Variants in LRP1B observed in about 807,000 individuals in gnomAD.
LRP1B encodes the protein LDL receptor related protein 1B, also known as low-density lipoprotein receptor-related protein 1B.
In LRP1B, 217 loss-of-function variants were observed where a neutral mutation model predicts 556.6. That is an observed-to-expected ratio of 0.39 (90% confidence interval 0.35 to 0.44). The LOEUF is 0.44. Ranked by LOEUF, LRP1B falls within the 20% of genes least tolerant of loss-of-function variation. The pLI is 1.00. For missense variants in LRP1B, 5,053 were observed against 5,620.8 expected (o/e 0.90, Z 3.23); for synonymous variants, 2,047 against 1,865.8 (o/e 1.10, Z -2.50).
chr2:140,395,588 C>A (rs1343805768), intron 66 of LRP1B, among the ~76,000 whole-genome samples: 2 of 152,194 alleles, frequency 1.3e-5, no homozygotes, highest in South Asian at 4.1e-4. Flanking sequence ...GAGAGCCAAC[C>A]ACTTCTGTTT....
chr2:141,559,764 C>G (rs896705615), intron 2 of LRP1B, among the ~76,000 whole-genome samples: 1 of 151,572 alleles, frequency 6.6e-6, no homozygotes, highest in Non-Finnish European at 1.5e-5. Context: ...TTGGCCTAAA[C>G]TGCATTCTAG....
At chr2:140,631,468 T>C (rs889816625) in intron 41 of LRP1B, among the ~76,000 whole-genome samples, 2 of 152,160 alleles carry the variant, frequency 1.3e-5, no homozygotes, top group Admixed American at 6.5e-5. Context: ...ATGGAAACTA[T>C]ACGAGTTAAA....
chr2:141,902,739 T>C (rs904924970), intron 1 of LRP1B, among the ~76,000 whole-genome samples: 5 of 151,962 alleles, frequency 3.3e-5, no homozygotes, highest in African/African-American at 4.8e-5. Context: ...GAGTTCTCCA[T>C]GTTAACTTCC....
intron 1 of LRP1B, among the ~76,000 whole-genome samples, chr2:141,883,968 C>T (rs1285492156): frequency 2.0e-5 from 3 of 152,068 alleles, no homozygotes; most frequent in Admixed American, 6.5e-5. Flanking sequence ...GAAAACTGAC[C>T]ACTTGCAATT....
intron 7 of LRP1B, among the ~76,000 whole-genome samples, chr2:141,113,803 T>C (rs911798495): frequency 6.6e-6 from 1 of 152,198 alleles, no homozygotes; most frequent in African/African-American, 2.4e-5. Context: ...ATAATTATAT[T>C]GTCATTTCTC....
intron 2 of LRP1B, among the ~76,000 whole-genome samples, chr2:141,492,836 T>C (rs1469198960): frequency 6.6e-6 from 1 of 152,196 alleles, no homozygotes; most frequent in East Asian, 1.9e-4. Context: ...ATATGCATTT[T>C]ATGTTTCAGA....
chr2:141,987,742 T>C (rs1166533911), intron 1 of LRP1B, among the ~76,000 whole-genome samples: 1 of 151,922 alleles, frequency 6.6e-6, no homozygotes. Flanking sequence ...ATACTTTACA[T>C]TTTTTATTGT....
chr2:140,938,891 G>A (rs1366799), intron 20 of LRP1B, among the ~76,000 whole-genome samples: 88,733 of 151,798 alleles, frequency 0.58, 27,897 homozygotes, highest in Non-Finnish European at 0.68. Context: ...ATTGGGCAAA[G>A]AGGACATAAG....
intron 1 of LRP1B, among the ~76,000 whole-genome samples, chr2:141,838,089 C>G (rs1337191033): frequency 6.6e-6 from 1 of 152,082 alleles, no homozygotes; most frequent in Non-Finnish European, 1.5e-5. Context: ...CATATTTATT[C>G]ACTAAACACA....
At chr2:141,287,470 C>G (rs1685765219) in intron 3 of LRP1B, among the ~76,000 whole-genome samples, 1 of 151,950 alleles carries the variant, frequency 6.6e-6, no homozygotes, top group Non-Finnish European at 1.5e-5. Flanking sequence ...CTACAGGTGC[C>G]CACCACCATG....
At chr2:140,825,950 G>C (rs977946891) in intron 31 of LRP1B, among the ~76,000 whole-genome samples, 1 of 152,186 alleles carries the variant, frequency 6.6e-6, no homozygotes. Context: ...TTGCTGATGT[G>C]ATAACTATCT....
chr2:140,412,893 T>A (rs1685026061), intron 66 of LRP1B, among the ~76,000 whole-genome samples: 1 of 152,098 alleles, frequency 6.6e-6, no homozygotes, highest in Admixed American at 6.6e-5. Flanking sequence ...AAAAAATTCA[T>A]GAACTATGTT....
chr2:141,767,844 G>T (rs898553592), intron 2 of LRP1B, among the ~76,000 whole-genome samples: 1 of 152,090 alleles, frequency 6.6e-6, no homozygotes, highest in African/African-American at 2.4e-5. Context: ...TCTGTTCCAT[G>T]GCAATTTGCA....
rs973927065 is a variant in LRP1B at position 142,116,273 on chromosome 2, G to T, written c.82+14375C>A. ...CAAGATTAACATAACTAATAATAGG[G>T]TATATTGTCATGCATTTCCCAAGGG... On this transcript the variant is annotated intron_variant, in intron 1 of 90. Coordinates refer to ENST00000389484, the MANE Select transcript of LRP1B (RefSeq NM_018557.3). Among the ~76,000 whole-genome samples the T allele has an allele frequency of 3.3e-5, 5 of 151,066 alleles. No homozygotes were observed. In the Admixed American group the frequency reaches 3.3e-4, roughly 10 times the overall value.
intron 1 of LRP1B, among the ~76,000 whole-genome samples, chr2:142,109,279 A>C (rs1038307509): frequency 6.6e-5 from 10 of 152,294 alleles, no homozygotes; most frequent in Admixed American, 1.3e-4. Context: ...TGGGAGGGGA[A>C]CAACGGTTTC....
chr2:141,211,898 G>T (rs1682570663), intron 6 of LRP1B, among the ~76,000 whole-genome samples: 1 of 151,992 alleles, frequency 6.6e-6, no homozygotes, highest in Non-Finnish European at 1.5e-5. Context: ...TGAAATTCCA[G>T]TTACCAACAG....
At chr2:141,386,325 G>A (rs1689834733) in intron 3 of LRP1B, among the ~76,000 whole-genome samples, 1 of 151,998 alleles carries the variant, frequency 6.6e-6, no homozygotes, top group African/African-American at 2.4e-5. Context: ...AATACATACA[G>A]AAAACAAGTT....
At chr2:141,477,720 T>C (rs1283041571) in intron 3 of LRP1B, among the ~76,000 whole-genome samples, 1 of 152,126 alleles carries the variant, frequency 6.6e-6, no homozygotes, top group Non-Finnish European at 1.5e-5. Flanking sequence ...CTATATCTCT[T>C]TAGTCACCTT....
chr2:141,024,541 AGACATG>A (rs879768447), intron 11 of LRP1B, among the ~76,000 whole-genome samples: 6 of 152,036 alleles, frequency 3.9e-5, no homozygotes, highest in Non-Finnish European at 8.8e-5. Context: ...GATACAATGA[AGACATG>A]GACAAGTAAA....
Sources: gnomAD v4.1 joint callset for allele counts (sites outside exome capture counted in the v4.1 genomes callset) on GRCh38, gnomAD v4.1.1 for gene constraint, MANE v1.5 for transcripts, NCBI Gene and HGNC (gene_info 2026-07-23, HGNC 2026-07-21) for gene names.